The following TANGO2 variants were observed in gnomAD, a reference collection of about 807,000 sequenced individuals.
TANGO2 encodes transport and golgi organization 2 homolog, also known as transport and Golgi organization protein 2 homolog.
A neutral mutation model predicts 39.1 loss-of-function variants in TANGO2; 26 were observed. That is an observed-to-expected ratio of 0.67 (90% CI 0.49 to 0.92). TANGO2 has a LOEUF of 0.92. Among genes scored for constraint, TANGO2 ranks in the 40% least tolerant of loss-of-function variants. The pLI, the probability that TANGO2 is intolerant of heterozygous loss-of-function variation, is 0.00. For synonymous variants in TANGO2, 131 were observed against 144.5 expected (o/e 0.91, Z 0.67); for missense variants, 326 against 360.1 (o/e 0.91, Z 0.77).
At chr22:20,044,675 A>T (rs967667868) in intron 3 of TANGO2, among the ~76,000 whole-genome samples, 18 of 152,120 alleles carry the variant, frequency 1.2e-4, no homozygotes, top group African/African-American at 4.1e-4. Context: ...GGGTGCATGG[A>T]GACTGAGGCA....
intron 3 of TANGO2, chr22:20,048,127 GTT>G (rs2045602133): frequency 6.6e-6 from 1 of 152,182 alleles, no homozygotes; most frequent in Non-Finnish European, 1.5e-5. Context: ...GTTTCACCAT[GTT>G]GGCCAGGCTG....
In TANGO2 at chr22:20,048,645, ATT is replaced by A. The variant is rs968190210; in HGVS notation, c.146-3809_146-3808del. Among the ~76,000 whole-genome samples, 217 of 146,750 alleles carry A rather than the reference ATT, an allele frequency of 1.5e-3. 1 individual carries two copies. The highest frequency in any genetic ancestry group is 5.2e-3 in the African/African-American group (209 of 40,314). Reference sequence around the variant, plus strand: ...TTAATGATAGCTTATGGTGAGCAGAATTTTTTTTTTTTCTTTTGAGTGGGTGG... The same window carrying A: ...TTAATGATAGCTTATGGTGAGCAGAATTTTTTTTTTCTTTTGAGTGGGTGG... On this transcript the variant is annotated intron_variant, in intron 3 of 8. Transcript: ENST00000327374.
At chr22:20,033,588 G>A (rs907970296) in intron 1 of TANGO2, among the ~76,000 whole-genome samples, 13 of 152,224 alleles carry the variant, frequency 8.5e-5, no homozygotes, top group African/African-American at 3.1e-4. Context: ...CAGGCCTTGG[G>A]CAGCCCTGGG....
intron 2 of TANGO2, among the ~76,000 whole-genome samples, chr22:20,041,462 G>A (rs1440872054): frequency 1.3e-5 from 2 of 151,874 alleles, no homozygotes; most frequent in South Asian, 2.1e-4. Flanking sequence ...ACAGGCGCCC[G>A]CCACCACACC....
rs1210253799 is a variant in TANGO2 at position 20,047,580 on chromosome 22, CT to C, written c.145+4138del. ...GAGGTCTGGGGGACAAACATCCAAA[CT>C]ATGGCAGCCATGAACTCTGGTTGTC... On this transcript the variant is annotated intron_variant, in intron 3 of 8. Coordinates refer to ENST00000327374, the MANE Select transcript of TANGO2 (RefSeq NM_152906.7). Among the ~76,000 whole-genome samples the C allele has an allele frequency of 3.9e-5, 6 of 152,272 alleles. No individual in the cohort carries two copies. The East Asian group carries it at 1.2e-3, about 29-fold the overall frequency.
chr22:20,033,081 G>A, intron 1 of TANGO2: 3 of 432,602 alleles, frequency 6.9e-6, no homozygotes, highest in South Asian at 3.5e-5. Context: ...AGGGGGAGGG[G>A]GAGACCTGCT....
upstream of TANGO2, among the ~76,000 whole-genome samples, chr22:20,019,852 A>C (rs966435351): frequency 6.6e-6 from 1 of 152,224 alleles, no homozygotes; most frequent in African/African-American, 2.4e-5. Context: ...AGAGACAACC[A>C]TGTCTGGCTG....
At chr22:20,041,724 G>C (rs1221730372) in intron 2 of TANGO2, among the ~76,000 whole-genome samples, 1 of 152,198 alleles carries the variant, frequency 6.6e-6, no homozygotes, top group Non-Finnish European at 1.5e-5. Context: ...GGGATTACAG[G>C]CATGAGCCAC....
At chr22:20,036,355 C>T (rs1394130847) in intron 1 of TANGO2, among the ~76,000 whole-genome samples, 1 of 152,222 alleles carries the variant, frequency 6.6e-6, no homozygotes, top group Non-Finnish European at 1.5e-5. Flanking sequence ...AAAAGTCTCA[C>T]TTTCGCTGTT....
chr22:20,063,676 T>A, intron 8 of TANGO2: 2 of 477,916 alleles, frequency 4.2e-6, no homozygotes, highest in East Asian at 6.8e-5. Flanking sequence ...AGGGCCAGGA[T>A]GGCTTCAGGG....
intron 1 of TANGO2, among the ~76,000 whole-genome samples, chr22:20,032,820 G>T (rs1439849864): frequency 6.6e-6 from 1 of 152,272 alleles, no homozygotes; most frequent in Non-Finnish European, 1.5e-5. Context: ...GTTGTGGGAA[G>T]TGGTCCTGGC....
chr22:20,037,099 G>T, intron 2 of TANGO2: 1 of 1,520,876 alleles, frequency 6.6e-7, no homozygotes. Flanking sequence ...CCACAGGTAG[G>T]ACAGAGGAGT....
At position 20,036,869 on chromosome 22, in the gene TANGO2, C is replaced by T. The variant is rs2042942939; in HGVS notation, c.56+15C>T. On this transcript the variant is annotated intron_variant, in intron 2 of 8. Coordinates refer to ENST00000327374, the MANE Select transcript of TANGO2 (RefSeq NM_152906.7). ...AACGCGTACAGGTAACCCCCTCGCT[C>T]TGCATCTGCTGCGCCCTGCAGGGTC... 3.1e-6 allele frequency: 5 copies of T among 1,614,134 alleles called. No individual in the cohort carries two copies. The highest frequency in any genetic ancestry group is 1.1e-5 in the South Asian group (1 of 91,090).
intron 8 of TANGO2, 30 bp downstream of exon 8, chr22:20,063,472 C>G: frequency 6.3e-7 from 1 of 1,585,466 alleles, no homozygotes; most frequent in South Asian, 1.1e-5. Flanking sequence ...GCGCCACCTC[C>G]TATCCCATGT....
At chr22:20,023,335 C>T (rs5748503) in intron 1 of TANGO2, among the ~76,000 whole-genome samples, 11,810 of 152,110 alleles carry the variant, frequency 0.078, 558 homozygotes, top group East Asian at 0.19. Flanking sequence ...CCGCAGGGGC[C>T]GCTGCGAGGC....
intron 5 of TANGO2, 191 bp from the exon 6 acceptor site, chr22:20,055,752 C>T: frequency 1.6e-6 from 1 of 620,692 alleles, no homozygotes; most frequent in Non-Finnish European, 2.9e-6. Flanking sequence ...TGATGCTGGA[C>T]AAGAGCTGGG....
chr22:20,035,284 A>G (rs2042638572), intron 1 of TANGO2, among the ~76,000 whole-genome samples: 2 of 152,242 alleles, frequency 1.3e-5, no homozygotes, highest in South Asian at 2.1e-4. Context: ...GCCCGTGCCT[A>G]TGGAGGCACA....
intron 1 of TANGO2, among the ~76,000 whole-genome samples, chr22:20,034,820 T>A (rs2042551914): frequency 6.6e-6 from 1 of 152,214 alleles, no homozygotes; most frequent in Non-Finnish European, 1.5e-5. Flanking sequence ...GCAAACGCTC[T>A]CAGGCAGGAT....
rs1353612564 is a variant in TANGO2, at chr22:20,066,225, T to A, written c.*1563T>A. On this transcript the variant is annotated 3_prime_UTR_variant, in exon 9 of 9. Coordinates refer to ENST00000327374, the MANE Select transcript of TANGO2 (RefSeq NM_152906.7). ...CAGGCTGGCCTGGACTTCTGTTGGATGATGGGGGCCAGGGGATGGTAGGAG... is the reference window on the plus strand; with the variant it reads ...CAGGCTGGCCTGGACTTCTGTTGGAAGATGGGGGCCAGGGGATGGTAGGAG... 6.5e-6 allele frequency: 1 copy of A among 153,200 alleles called. No homozygotes were observed. Among genetic ancestry groups the A allele is most frequent in the Non-Finnish European group, 1.5e-5 (1 of 68,910 alleles). The allele number at this position is 153,200 out of a possible 1,614,324, so 9.5% of individuals were successfully genotyped here. A position where few individuals can be genotyped will look rare whatever the true frequency, so the allele number is the denominator to read the frequency against.
Sources: allele counts gnomAD v4.1 joint callset (sites outside exome capture counted in the v4.1 genomes callset), GRCh38; gene constraint gnomAD v4.1.1; transcripts MANE v1.5; gene names NCBI Gene and HGNC (gene_info 2026-07-23, HGNC 2026-07-21).